The following POM121C variants were observed in gnomAD, a reference collection of about 807,000 sequenced individuals.
POM121C encodes the protein nuclear envelope pore membrane protein POM 121C.
POM121C carries 20 observed loss-of-function variants against 66.4 expected under a neutral mutation model. The ratio of observed to expected loss-of-function variants is 0.30; its 90% CI spans 0.21 to 0.44. The LOEUF is 0.44. Among genes scored for constraint, POM121C ranks in the 20% least tolerant of loss-of-function variants. The pLI is 1.00. For missense variants in POM121C, 580 were observed against 1,225.7 expected (o/e 0.47, Z 7.87); for synonymous variants, 286 against 528.0 (o/e 0.54, Z 6.28).
intron 1 of POM121C, among the ~76,000 whole-genome samples, chr7:75,478,201 G>A (rs587718108): frequency 3.3e-5 from 5 of 152,230 alleles, no homozygotes; most frequent in Middle Eastern, 3.4e-3. Context: ...TCCTGACCTC[G>A]TGATCCGCCC....
At chr7:75,479,406 A>C (rs1257988675) in intron 1 of POM121C, among the ~76,000 whole-genome samples, 19 of 152,166 alleles carry the variant, frequency 1.2e-4, no homozygotes, top group African/African-American at 4.6e-4. Context: ...ACCTGAGGTC[A>C]GGAGTTCGAG....
At chr7:75,441,722 C>G in intron 3 of POM121C, 75 bp from the exon 4 acceptor site, 2 of 1,273,372 alleles carry the variant, frequency 1.6e-6, no homozygotes, top group South Asian at 2.7e-5. Context: ...TAAAAACCCA[C>G]CAGTTAAGAC....
intron 7 of POM121C, among the ~76,000 whole-genome samples, chr7:75,435,544 T>C (rs1186434416): frequency 1.3e-5 from 2 of 152,210 alleles, no homozygotes; most frequent in Non-Finnish European, 1.5e-5. Flanking sequence ...TAGAAATCCC[T>C]GTAACTTTCA....
At chr7:75,477,380 C>T (rs1792131223) in intron 1 of POM121C, among the ~76,000 whole-genome samples, 1 of 152,142 alleles carries the variant, frequency 6.6e-6, no homozygotes, top group African/African-American at 2.4e-5. Flanking sequence ...GTCAGGAGTT[C>T]AAGACCAGCC....
intron 3 of POM121C, among the ~76,000 whole-genome samples, chr7:75,457,260 A>G (rs1176620324): frequency 4.7e-5 from 7 of 150,486 alleles, no homozygotes; most frequent in Admixed American, 2.0e-4. Context: ...AAGGTAGAGA[A>G]GAGAAGGGCT....
chr7:75,419,517 G>GC, intron 13 of POM121C, 75 bp from the exon 14 acceptor site: 2 of 1,540,368 alleles, frequency 1.3e-6, no homozygotes, highest in Non-Finnish European at 8.7e-7. Context: ...AGGAGCCTGT[G>GC]CTCTGCAGGG....
At chr7:75,454,799 G>T (rs1179601468) in intron 3 of POM121C, among the ~76,000 whole-genome samples, 2 of 152,254 alleles carry the variant, frequency 1.3e-5, no homozygotes, top group Non-Finnish European at 2.9e-5. Context: ...GGCATGTCCC[G>T]ACGCAGTGGA....
chr7:75,448,535 T>C (rs1584683686), intron 3 of POM121C, among the ~76,000 whole-genome samples: 1 of 135,910 alleles, frequency 7.4e-6, no homozygotes. Flanking sequence ...GGCGCAGTGG[T>C]TCACACCTAT....
At chr7:75,482,188 G>T (rs1386414997) in intron 1 of POM121C, among the ~76,000 whole-genome samples, 2 of 152,054 alleles carry the variant, frequency 1.3e-5, no homozygotes, top group African/African-American at 2.4e-5. Context: ...GAGCACGCAG[G>T]AGACATACTA....
chr7:75,438,552 G>C (rs1790506491), intron 6 of POM121C, among the ~76,000 whole-genome samples: 1 of 152,202 alleles, frequency 6.6e-6, no homozygotes, highest in Non-Finnish European at 1.5e-5. Flanking sequence ...ATTTCCGTTT[G>C]TGTACATCCT....
chr7:75,444,465 A>G, intron 3 of POM121C, among the ~76,000 whole-genome samples: 1 of 146,010 alleles, frequency 6.8e-6, no homozygotes, highest in Non-Finnish European at 1.5e-5. Context: ...GGCTCTTTGA[A>G]CTATTGTGTG....
intron 3 of POM121C, among the ~76,000 whole-genome samples, chr7:75,454,472 T>C (rs1335551284): frequency 6.6e-6 from 1 of 152,050 alleles, no homozygotes; most frequent in Non-Finnish European, 1.5e-5. Flanking sequence ...GAAGGTGCCA[T>C]GTGCTCTGGG....
intron 1 of POM121C, among the ~76,000 whole-genome samples, chr7:75,483,963 A>T (rs1792408950): frequency 6.6e-6 from 1 of 152,134 alleles, no homozygotes; most frequent in African/African-American, 2.4e-5. Context: ...TTAGCTGGGC[A>T]TGGTGGCCCA....
chr7:75,455,812 A>G (rs1432098342), intron 3 of POM121C, among the ~76,000 whole-genome samples: 2 of 151,804 alleles, frequency 1.3e-5, no homozygotes, highest in African/African-American at 4.8e-5. Flanking sequence ...CTGTGTGTCT[A>G]TTTCTCCCAC....
intron 12 of POM121C, 49 bp downstream of exon 12, chr7:75,424,000 C>A (rs1554471313): frequency 6.3e-7 from 1 of 1,594,944 alleles, no homozygotes; most frequent in South Asian, 1.1e-5. Context: ...CCAACCCAAG[C>A]CGGGGATGCT....
intron 1 of POM121C, among the ~76,000 whole-genome samples, 190 bp downstream of exon 1, chr7:75,485,674 G>C (rs2599353): frequency 4.5e-4 from 68 of 152,254 alleles, no homozygotes; most frequent in African/African-American, 1.3e-3. Context: ...CCACGCCTCC[G>C]TAAGCCTCGT....
At chr7:75,481,280 T>C (rs1190501318) in intron 1 of POM121C, among the ~76,000 whole-genome samples, 5 of 151,324 alleles carry the variant, frequency 3.3e-5, no homozygotes, top group Admixed American at 3.3e-4. Context: ...ATATTTGCTA[T>C]CATATATATC....
intron 3 of POM121C, among the ~76,000 whole-genome samples, chr7:75,444,155 A>G (rs1364476420): frequency 2.2e-5 from 3 of 136,820 alleles, no homozygotes; most frequent in Non-Finnish European, 4.8e-5. Context: ...AGAGATGAGA[A>G]GAAGGTGCAG....
chr7:75,435,869 T>G (rs1790384728), intron 7 of POM121C, among the ~76,000 whole-genome samples: 1 of 152,112 alleles, frequency 6.6e-6, no homozygotes, highest in Admixed American at 6.5e-5. Context: ...GGCCAACATG[T>G]TGAAACCTTG....
Sources: allele counts gnomAD v4.1 joint callset (sites outside exome capture counted in the v4.1 genomes callset), GRCh38; gene constraint gnomAD v4.1.1; transcripts MANE v1.5; gene names NCBI Gene and HGNC (gene_info 2026-07-23, HGNC 2026-07-21).